Variants in COL19A1 observed in about 807,000 individuals in gnomAD.
COL19A1 encodes collagen type XIX alpha 1 chain.
A neutral mutation model predicts 190.2 loss-of-function variants in COL19A1; 159 were observed. The ratio of observed to expected loss-of-function variants is 0.84; its 90% CI spans 0.73 to 0.95. COL19A1 has a LOEUF of 0.95. Among genes scored for constraint, COL19A1 ranks in the 40% least tolerant of loss-of-function variants. The pLI, the probability that COL19A1 is intolerant of heterozygous loss-of-function variation, is 0.00. For missense variants in COL19A1, 1,418 were observed against 1,431.9 expected, an observed-to-expected ratio of 0.99 and a Z score of 0.16; for synonymous variants, 509 against 458.9, an observed-to-expected ratio of 1.11 and a Z score of -1.39.
intron 9 of COL19A1, among the ~76,000 whole-genome samples, chr6:69,938,470 A>C (rs1420554450): frequency 6.6e-6 from 1 of 151,068 alleles, no homozygotes; most frequent in East Asian, 1.9e-4. Flanking sequence ...CATCCCCACC[A>C]GAGATTTTTC....
At position 70,146,203 on chromosome 6, in the gene COL19A1, G is replaced by A. The variant is rs1786635766; in HGVS notation, c.1771-456G>A. On this transcript the variant is annotated intron_variant, in intron 25 of 50. Coordinates refer to ENST00000620364, the MANE Select transcript of COL19A1 (RefSeq NM_001858.6). ...GTTTTAAAACATAAACGTTCCTAGG[G>A]CAGTATTGTAAAACAGAAAAACTAC... Among the ~76,000 whole-genome samples the A allele has an allele frequency of 2.6e-5, 4 of 152,030 alleles. No individual in the cohort carries two copies. The South Asian group carries it at 8.3e-4, about 32-fold the overall frequency.
At position 70,148,851 on chromosome 6, in the gene COL19A1, C is replaced by T. The variant is rs186327489; in HGVS notation, c.1894-853C>T. Among the ~76,000 whole-genome samples, 741 of 151,810 alleles carry T rather than the reference C, an allele frequency of 4.9e-3. 8 individuals are homozygous for T. The highest frequency in any genetic ancestry group is 0.017 in the African/African-American group (724 of 41,410). On this transcript the variant is annotated intron_variant, in intron 27 of 50. Transcript: ENST00000620364. The stretch of plus-strand genomic sequence containing the variant: ...CTGAGGCAGGAGAATCGCTTGAACC[C>T]GGGAGGCGGAGGTTGCAGTGAGCTG...
chr6:69,973,288 C>T (rs542213641), intron 11 of COL19A1, among the ~76,000 whole-genome samples: 1 of 152,172 alleles, frequency 6.6e-6, no homozygotes, highest in South Asian at 2.1e-4. Flanking sequence ...TCAGGATCTG[C>T]CTGTGCCATA....
At chr6:70,045,314 A>AT (rs1440943123) in intron 14 of COL19A1, among the ~76,000 whole-genome samples, 1 of 76,958 alleles carries the variant, frequency 1.3e-5, no homozygotes, top group East Asian at 4.0e-4. Flanking sequence ...CTCTGTCTCA[A>AT]AAAAAAAAAA....
At chr6:69,874,050 G>T (rs187321662) in intron 1 of COL19A1, among the ~76,000 whole-genome samples, 1 of 152,286 alleles carries the variant, frequency 6.6e-6, no homozygotes, top group Admixed American at 6.5e-5. Flanking sequence ...CACCTAGCTG[G>T]GACCTGTGGG....
At chr6:70,034,865 T>C (rs535406258) in intron 13 of COL19A1, among the ~76,000 whole-genome samples, 9 of 152,336 alleles carry the variant, frequency 5.9e-5, no homozygotes, top group African/African-American at 2.2e-4. Context: ...ATGCATTTTG[T>C]TCTCCATTTT....
chr6:69,999,702 C>T (rs914650247), intron 11 of COL19A1, among the ~76,000 whole-genome samples: 9 of 152,024 alleles, frequency 5.9e-5, no homozygotes, highest in Non-Finnish European at 1.0e-4. Context: ...TCATCAACAA[C>T]AAAGCACTAA....
At position 70,163,246 on chromosome 6, in the gene COL19A1, TGACCTTCAAAA is replaced by T. The variant is rs1787920359; in HGVS notation, c.2347-96_2347-86del. 1.4e-5 allele frequency: 15 copies of T among 1,061,686 alleles called. No individual in the cohort carries two copies. In the South Asian group the frequency reaches 2.2e-4, roughly 15 times the overall value. The allele number at this position is 1,061,686 out of a possible 1,614,324, so 65.8% of individuals were successfully genotyped here. On this transcript the variant is annotated intron_variant, in intron 35 of 50. Transcript: ENST00000620364. ...TAGGGCTTATTTAATTAGGATCAAA[TGACCTTCAAAA>T]TGTGTAAGTTTTAGTAACCAACTTC...
At position 70,156,773 on chromosome 6, in the gene COL19A1, G is replaced by A. The variant is rs373338490; in HGVS notation, c.2292+50G>A. On this transcript the variant is annotated intron_variant, in intron 34 of 50. Transcript: ENST00000620364. Reference sequence around the variant, plus strand: ...TAGTCCTAATATTGATTCTCTTTACGTGGCTCAACAGAGTAAAAATGTTAA... The same window carrying A: ...TAGTCCTAATATTGATTCTCTTTACATGGCTCAACAGAGTAAAAATGTTAA... 707 of 1,461,610 alleles carry A rather than the reference G, an allele frequency of 4.8e-4. 3 individuals are homozygous for A. Among genetic ancestry groups the A allele is most frequent in the South Asian group, 1.9e-3 (159 of 83,022 alleles). 90.5% of individuals were successfully genotyped at this position (1,461,610 alleles called of 1,614,324 possible). A position where few individuals can be genotyped will look rare whatever the true frequency, so the allele number is the denominator to read the frequency against.
At chr6:70,074,164 T>A (rs1192823926) in intron 15 of COL19A1, among the ~76,000 whole-genome samples, 1 of 152,094 alleles carries the variant, frequency 6.6e-6, no homozygotes, top group Non-Finnish European at 1.5e-5. Flanking sequence ...AAGACAGTAA[T>A]GCAGGTCAGA....
intron 1 of COL19A1, 37 bp from the exon 2 acceptor site, chr6:69,879,499 A>G: frequency 7.8e-7 from 1 of 1,285,686 alleles, no homozygotes; most frequent in Non-Finnish European, 1.1e-6. Flanking sequence ...AGCTGCATAC[A>G]ATAAACTTTA....
intron 1 of COL19A1, among the ~76,000 whole-genome samples, chr6:69,869,145 G>C (rs1197010310): frequency 2.0e-5 from 3 of 152,152 alleles, no homozygotes; most frequent in Non-Finnish European, 2.9e-5. Context: ...TAGCAGAAGA[G>C]ATCCAGCAGG....
chr6:70,114,085 A>C (rs1784427835), intron 16 of COL19A1, among the ~76,000 whole-genome samples: 1 of 152,004 alleles, frequency 6.6e-6, no homozygotes, highest in East Asian at 1.9e-4. Context: ...TCCTGAGCTC[A>C]AGCAATCTGC....
At position 70,212,155 on chromosome 6, in the gene COL19A1, T is replaced by C. The variant is rs915235782; in HGVS notation, c.*4881T>C. On this transcript the variant is annotated 3_prime_UTR_variant, in exon 51 of 51. Coordinates refer to ENST00000620364, the MANE Select transcript of COL19A1 (RefSeq NM_001858.6). ...TTTTATTGTATTGTGTTATGCAAAG[T>C]ACATTTTGGAGATAAATGTTTTTCA... 6.6e-6 allele frequency among the ~76,000 whole-genome samples: 1 copy of C among 152,200 alleles called. No homozygotes were observed. Among genetic ancestry groups the C allele is most frequent in the Non-Finnish European group, 1.5e-5 (1 of 68,010 alleles).
intron 4 of COL19A1, among the ~76,000 whole-genome samples, chr6:69,902,346 T>A (rs1361994186): frequency 6.6e-6 from 1 of 152,222 alleles, no homozygotes; most frequent in Non-Finnish European, 1.5e-5. Context: ...CTGAGCTTCC[T>A]TTTATTGTTC....
chr6:70,191,967 T>G (rs1214308408), intron 48 of COL19A1, among the ~76,000 whole-genome samples: 1 of 152,144 alleles, frequency 6.6e-6, no homozygotes, highest in East Asian at 1.9e-4. Context: ...TTATCTTACT[T>G]TATATGAGAA....
chr6:69,925,425 G>C (rs532907083), intron 4 of COL19A1, among the ~76,000 whole-genome samples: 1 of 152,090 alleles, frequency 6.6e-6, no homozygotes, highest in Non-Finnish European at 1.5e-5. Context: ...TGAGGGCTCT[G>C]TTCTGTTCCA....
chr6:69,893,396 T>C lies in COL19A1; in HGVS notation c.92-5552T>C, dbSNP rs186867307. On this transcript the variant is annotated intron_variant, in intron 2 of 50. Transcript: ENST00000620364. The stretch of plus-strand genomic sequence containing the variant: ...AGGGTAATTACAGTTAGAAACACAA[T>C]TGACAAAAAAGTTTGGTTATCTCCC... Among the ~76,000 whole-genome samples the C allele has an allele frequency of 1.4e-4, 21 of 152,272 alleles. No homozygotes were observed. In the East Asian group the frequency reaches 4.1e-3, roughly 29 times the overall value.
At chr6:70,060,766 T>C (rs1248418659) in intron 14 of COL19A1, among the ~76,000 whole-genome samples, 5 of 152,080 alleles carry the variant, frequency 3.3e-5, no homozygotes, top group Non-Finnish European at 7.4e-5. Context: ...TATTACAGTG[T>C]AATAATAATA....
Sources: gnomAD v4.1 joint callset for allele counts (sites outside exome capture counted in the v4.1 genomes callset) on GRCh38, gnomAD v4.1.1 for gene constraint, MANE v1.5 for transcripts, NCBI Gene and HGNC (gene_info 2026-07-23, HGNC 2026-07-21) for gene names.